RDX: variants seen among roughly 807,000 people sequenced by gnomAD.
RDX encodes deafness, autosomal recessive 24.
A neutral mutation model predicts 83.7 loss-of-function variants in RDX; 32 were observed. The ratio of observed to expected loss-of-function variants is 0.38; its 90% CI spans 0.29 to 0.51. RDX has a LOEUF of 0.51. Among genes scored for constraint, RDX ranks in the 20% least tolerant of loss-of-function variants. The probability of loss-of-function intolerance (pLI) is 0.87; values close to 1 mark genes in which losing one functional copy is unlikely to be tolerated. For synonymous variants in RDX, 229 were observed against 222.7 expected (o/e 1.03, Z -0.25); for missense variants, 600 against 689.9 (o/e 0.87, Z 1.46).
chr11:110,225,185 T>C (rs2134283418), downstream of RDX, among the ~76,000 whole-genome samples: 1 of 152,272 alleles, frequency 6.6e-6, no homozygotes, highest in South Asian at 2.1e-4. Flanking sequence ...AAAAACTATT[T>C]TTCCTCTTCA....
Position 110,250,954 on chromosome 11 carries a change from T to C in RDX, c.959+2992A>G, listed in dbSNP as rs553348346. ...TTGTCTCCTTTATGAAACCAGATCT[T>C]GCTGCTCCCCTAAATGCTGTTCATT... On this transcript the variant is annotated intron_variant, in intron 9 of 13. Transcript: ENST00000645495. Among the ~76,000 whole-genome samples the C allele has an allele frequency of 2.0e-5, 3 of 152,278 alleles. 1 individual carries two copies. In the South Asian group the frequency reaches 6.2e-4, roughly 32 times the overall value.
intron 1 of RDX, among the ~76,000 whole-genome samples, chr11:110,280,571 G>C (rs1396202919): frequency 6.6e-6 from 1 of 152,180 alleles, no homozygotes; most frequent in Admixed American, 6.5e-5. Flanking sequence ...TTGTAAATTT[G>C]AAAATATGAA....
intron 3 of RDX, among the ~76,000 whole-genome samples, chr11:110,272,074 C>A (rs922732441): frequency 1.3e-5 from 2 of 152,168 alleles, no homozygotes; most frequent in African/African-American, 4.8e-5. Context: ...TGGGTCCCAT[C>A]CCCAAGATAT....
intron 14 of RDX, among the ~76,000 whole-genome samples, chr11:110,215,398 AAATAAATAAAT>A (rs869141095): frequency 3.4e-5 from 5 of 148,598 alleles, no homozygotes; most frequent in African/African-American, 1.2e-4. Context: ...ATAAATAAAT[AAATAAATAAAT>A]AAAATAATAA....
intron 1 of RDX, among the ~76,000 whole-genome samples, chr11:110,289,780 C>T (rs35592203): frequency 2.5e-4 from 38 of 151,710 alleles, no homozygotes; most frequent in African/African-American, 7.7e-4. Flanking sequence ...AGTCCCGTCT[C>T]TACTAAAAAT....
intron 14 of RDX, among the ~76,000 whole-genome samples, chr11:110,218,598 C>A (rs1864139674): frequency 6.6e-6 from 1 of 152,204 alleles, no homozygotes. Context: ...AACCTGCCCT[C>A]CCTCATGATT....
At chr11:110,177,759 C>T (rs935726856) in intron 15 of RDX, among the ~76,000 whole-genome samples, 3 of 152,086 alleles carry the variant, frequency 2.0e-5, no homozygotes, top group Non-Finnish European at 4.4e-5. Flanking sequence ...GCTGGGATTA[C>T]AGGCATGAGA....
At chr11:110,251,880 A>C (rs1243329701) in intron 9 of RDX, among the ~76,000 whole-genome samples, 3 of 152,182 alleles carry the variant, frequency 2.0e-5, no homozygotes, top group South Asian at 2.1e-4. Flanking sequence ...TATTGTAGGG[A>C]AAGAGGTCTC....
intron 14 of RDX, among the ~76,000 whole-genome samples, chr11:110,211,459 G>C (rs1863835663): frequency 6.6e-6 from 1 of 150,732 alleles, no homozygotes; most frequent in Non-Finnish European, 1.5e-5. Context: ...CCCAGGAATT[G>C]AACTCAGCTC....
intron 1 of RDX, among the ~76,000 whole-genome samples, chr11:110,295,345 C>T (rs1221643306): frequency 7.2e-6 from 1 of 138,664 alleles, no homozygotes; most frequent in Admixed American, 7.2e-5. Context: ...GCTCCTTAAA[C>T]AATAGATTAC....
At chr11:110,197,603 A>G (rs1863248133) in intron 15 of RDX, among the ~76,000 whole-genome samples, 1 of 152,256 alleles carries the variant, frequency 6.6e-6, no homozygotes, top group South Asian at 2.1e-4. Flanking sequence ...TTTGCTCTAA[A>G]AAGAACATTA....
At chr11:110,181,464 G>A (rs535539741) in intron 15 of RDX, among the ~76,000 whole-genome samples, 2 of 152,232 alleles carry the variant, frequency 1.3e-5, no homozygotes, top group East Asian at 3.9e-4. Context: ...GCCTGGCCAG[G>A]GCTGCATCTT....
intron 14 of RDX, among the ~76,000 whole-genome samples, chr11:110,202,317 C>A (rs1175652403): frequency 1.3e-5 from 2 of 151,974 alleles, no homozygotes; most frequent in Non-Finnish European, 2.9e-5. Context: ...CGCTTGAACC[C>A]TGGAGGCAGA....
Position 110,240,760 on chromosome 11 carries a change from A to AT in RDX, c.1091-3109_1091-3108insA, listed in dbSNP as rs1304982831. On this transcript the variant is annotated intron_variant, in intron 10 of 13. Transcript: ENST00000645495. The stretch of plus-strand genomic sequence containing the variant: ...ACTCCGTCTCAAAAAAAAAAAAAAA[A>AT]ACGGTAAAAATGGCCAGGCACGGTG... 3.4e-5 allele frequency among the ~76,000 whole-genome samples: 5 copies of AT among 148,408 alleles called. No homozygotes were observed. The East Asian group carries it at 9.9e-4, about 29-fold the overall frequency.
intron 10 of RDX, among the ~76,000 whole-genome samples, chr11:110,243,619 G>A (rs1865186473): frequency 6.6e-6 from 1 of 152,096 alleles, no homozygotes; most frequent in South Asian, 2.1e-4. Context: ...TCAGAAGGCT[G>A]AGGTATGAGA....
chr11:110,219,103 G>C (rs1591520330), intron 14 of RDX, among the ~76,000 whole-genome samples: 1 of 152,196 alleles, frequency 6.6e-6, no homozygotes. Context: ...ACTTGAGGAA[G>C]GTACAATTTT....
chr11:110,233,091 A>T, intron 13 of RDX, 146 bp downstream of exon 13: 2 of 936,070 alleles, frequency 2.1e-6, no homozygotes, highest in Non-Finnish European at 3.4e-6. Context: ...GAAATGAAAT[A>T]ACATGACTAT....
At chr11:110,176,090 T>C (rs1286610379) in intron 15 of RDX, among the ~76,000 whole-genome samples, 1 of 148,242 alleles carries the variant, frequency 6.7e-6, no homozygotes. Context: ...CTTTTTTTCT[T>C]TTTTTTTTTT....
rs940014350 is a variant in RDX, at chr11:110,255,514, T to G, written c.699-129A>C. The G allele has an allele frequency of 4.6e-6, 3 of 648,956 alleles. No individual in the cohort carries two copies. The South Asian group carries it at 5.2e-5, about 11-fold the overall frequency. The allele number at this position is 648,956 out of a possible 1,614,324, so 40.2% of individuals were successfully genotyped here. On this transcript the variant is annotated intron_variant, in intron 7 of 13. Transcript: ENST00000645495. Reference sequence around the variant, plus strand: ...TTTTCAAAATGTATTAACTTATTCATAACTACAGTTGACCTTATCTTTTAA... The same window carrying G: ...TTTTCAAAATGTATTAACTTATTCAGAACTACAGTTGACCTTATCTTTTAA...
Sources: gnomAD v4.1 joint callset for allele counts (sites outside exome capture counted in the v4.1 genomes callset) on GRCh38, gnomAD v4.1.1 for gene constraint, MANE v1.5 for transcripts, NCBI Gene and HGNC (gene_info 2026-07-23, HGNC 2026-07-21) for gene names.